The following DTWD2 variants were observed in gnomAD, a reference collection of about 807,000 sequenced individuals.
DTWD2 encodes tRNA-uridine aminocarboxypropyltransferase 2.
In DTWD2, 39 loss-of-function variants were observed where a neutral mutation model predicts 31.8. The observed-to-expected ratio is 1.22, with a 90% CI of 0.95 to 1.60. The LOEUF (loss-of-function observed/expected upper bound fraction) is 1.60. Ranked by LOEUF, DTWD2 falls within the 40% of genes most tolerant of loss-of-function variation. The pLI is 0.00. For synonymous variants in DTWD2, 180 were observed against 142.8 expected, an observed-to-expected ratio of 1.26 and a Z score of -1.86; for missense variants, 515 against 381.5, an observed-to-expected ratio of 1.35 and a Z score of -2.92.
chr5:118,868,406 T>C (rs1382710791), intron 4 of DTWD2, among the ~76,000 whole-genome samples: 1 of 151,996 alleles, frequency 6.6e-6, no homozygotes, highest in Admixed American at 6.6e-5. Flanking sequence ...AACAAAAAAA[T>C]AGATAAATTA....
At chr5:118,871,627 A>C (rs1201421641) in intron 4 of DTWD2, among the ~76,000 whole-genome samples, 2 of 152,152 alleles carry the variant, frequency 1.3e-5, no homozygotes, top group African/African-American at 4.8e-5. Flanking sequence ...TCTCTGAGCA[A>C]TAGGTGTCAA....
intron 4 of DTWD2, among the ~76,000 whole-genome samples, chr5:118,859,204 A>AG (rs978229599): frequency 6.6e-6 from 1 of 151,166 alleles, no homozygotes; most frequent in Non-Finnish European, 1.5e-5. Flanking sequence ...GAATTCTTGA[A>AG]GGAAAAAAAA....
At chr5:118,871,749 G>A (rs1752509965) in intron 4 of DTWD2, among the ~76,000 whole-genome samples, 1 of 152,150 alleles carries the variant, frequency 6.6e-6, no homozygotes. Flanking sequence ...TGATTTTTAA[G>A]GACCTTAGGT....
At chr5:118,952,851 C>G (rs1754496687) in intron 1 of DTWD2, among the ~76,000 whole-genome samples, 1 of 152,208 alleles carries the variant, frequency 6.6e-6, no homozygotes, top group African/African-American at 2.4e-5. Context: ...TTGCACGTCT[C>G]TGTTACTCCC....
intron 4 of DTWD2, among the ~76,000 whole-genome samples, chr5:118,914,665 C>T (rs75361129): frequency 0.021 from 3,167 of 152,176 alleles, 113 homozygotes; most frequent in African/African-American, 0.072. Flanking sequence ...CAAAGATAAT[C>T]CAGCAATACA....
chr5:118,912,036 T>C (rs1753469109), intron 4 of DTWD2, among the ~76,000 whole-genome samples: 1 of 152,222 alleles, frequency 6.6e-6, no homozygotes, highest in Admixed American at 6.5e-5. Flanking sequence ...CTTCAGCAAG[T>C]TATGCATTAG....
At chr5:118,888,502 C>A (rs551440063) in intron 4 of DTWD2, among the ~76,000 whole-genome samples, 1 of 152,234 alleles carries the variant, frequency 6.6e-6, no homozygotes, top group East Asian at 1.9e-4. Context: ...ATCCATGCAC[C>A]TATTGATGGA....
intron 1 of DTWD2, among the ~76,000 whole-genome samples, chr5:118,956,877 G>C (rs956312914): frequency 1.3e-5 from 2 of 152,020 alleles, no homozygotes; most frequent in African/African-American, 4.8e-5. Context: ...CATAAAAATG[G>C]CAACAATTTT....
At chr5:118,856,817 G>C (rs1752146403) in intron 4 of DTWD2, among the ~76,000 whole-genome samples, 2 of 114,652 alleles carry the variant, frequency 1.7e-5, no homozygotes, top group Non-Finnish European at 3.3e-5. Flanking sequence ...TTGTTGCCCA[G>C]GCTGGAGTAC....
At chr5:118,988,196 C>T (rs1357385584) in intron 1 of DTWD2, 98 bp downstream of exon 1, 1 of 1,455,222 alleles carries the variant, frequency 6.9e-7, no homozygotes, top group South Asian at 1.2e-5. Flanking sequence ...GCCCTAATCG[C>T]AGAGCTGCCC....
intron 4 of DTWD2, among the ~76,000 whole-genome samples, chr5:118,900,319 AC>A (rs1753177069): frequency 3.3e-5 from 5 of 152,150 alleles, no homozygotes; most frequent in South Asian, 4.1e-4. Flanking sequence ...ATTTTTAAAA[AC>A]TTTTTCCCTT....
At chr5:118,986,419 G>T (rs545478613) in intron 1 of DTWD2, among the ~76,000 whole-genome samples, 2 of 152,138 alleles carry the variant, frequency 1.3e-5, no homozygotes, top group African/African-American at 4.8e-5. Flanking sequence ...CTGCTGAAAA[G>T]TTAAACTGAG....
chr5:118,864,420 TA>T (rs1259256133), intron 4 of DTWD2, among the ~76,000 whole-genome samples: 1 of 150,804 alleles, frequency 6.6e-6, no homozygotes, highest in Non-Finnish European at 1.5e-5. Context: ...TTAGGAGATA[TA>T]CCTAATGCTA....
In DTWD2 at chr5:118,840,974, T is replaced by C; in HGVS notation, c.840A>G (p.Pro280=). The C allele has an allele frequency of 1.2e-6, 2 of 1,613,888 alleles. No homozygotes were observed. The highest frequency in any genetic ancestry group is 1.7e-6 in the Non-Finnish European group (2 of 1,179,848). Residue 280 remains proline, a synonymous_variant, in exon 6 of 6, where the codon CCA becomes CCG. Transcript: ENST00000510708. ...TTTTCCTGAGTTTGCGTTTGTTCTT[T>C]GGCATTGGTTTAGGATATAATCCAT... is the stretch of plus-strand genomic sequence containing the variant. The part of the protein sequence containing the change: ...LKNGLYPKPM[P]KNKRKLRKME...
intron 3 of DTWD2, among the ~76,000 whole-genome samples, chr5:118,934,056 T>C (rs567550587): frequency 5.4e-4 from 82 of 151,326 alleles, no homozygotes; most frequent in African/African-American, 1.8e-3. Context: ...ACCATTAAAA[T>C]AGCCCTGCAA....
rs371905777 is a variant in DTWD2 at position 118,948,924 on chromosome 5, G to A, written c.219-4275C>T. On this transcript the variant is annotated intron_variant, in intron 1 of 5. Coordinates refer to ENST00000510708, the MANE Select transcript of DTWD2 (RefSeq NM_173666.4). The stretch of plus-strand genomic sequence containing the variant: ...TCCAAAGGTGAAAGTACCTAACCAT[G>A]CTAGGAAGGAAAGGAGTTGTTGCTT... Among the ~76,000 whole-genome samples the A allele has an allele frequency of 4.3e-4, 65 of 152,078 alleles. 1 individual carries two copies. In the South Asian group the frequency reaches 0.013, roughly 31 times the overall value.
intron 4 of DTWD2, among the ~76,000 whole-genome samples, chr5:118,895,740 G>A (rs1272278120): frequency 6.6e-6 from 1 of 151,932 alleles, no homozygotes; most frequent in African/African-American, 2.4e-5. Flanking sequence ...TTTCAACAGA[G>A]GCACCAAGAA....
chr5:118,874,338 T>C (rs1752573943), intron 4 of DTWD2, among the ~76,000 whole-genome samples: 1 of 152,190 alleles, frequency 6.6e-6, no homozygotes. Context: ...CCAACAATGG[T>C]TTGGAACCAG....
At position 118,939,243 on chromosome 5, in the gene DTWD2, G is replaced by A. The variant is rs773867548; in HGVS notation, c.357C>T (p.Pro119=). 3.7e-6 allele frequency: 6 copies of A among 1,602,650 alleles called. No individual in the cohort carries two copies. Among genetic ancestry groups the A allele is most frequent in the Admixed American group, 1.7e-5 (1 of 58,428 alleles). Residue 119 remains proline, a synonymous_variant, in exon 3 of 6, where the codon CCC becomes CCT. Transcript: ENST00000510708. The part of the protein sequence containing the change: ...RTVPLLAACL[P]QDKCKVKIGR... ...CGATCTTCACTTTACACTTGTCCTG[G>A]GGGAGGCATGCTGCTAGTAGAGGAA...
Sources: allele counts gnomAD v4.1 joint callset (sites outside exome capture counted in the v4.1 genomes callset), GRCh38; gene constraint gnomAD v4.1.1; transcripts MANE v1.5; gene names NCBI Gene and HGNC (gene_info 2026-07-23, HGNC 2026-07-21).